Variants in GRID1 observed in about 807,000 individuals in gnomAD.
GRID1 encodes glutamate receptor ionotropic, delta-1.
Under a neutral mutation model 98.0 loss-of-function variants are expected in GRID1, and 28 were observed. The observed-to-expected ratio is 0.29, with a 90% confidence interval of 0.21 to 0.39. The LOEUF is 0.39. Among genes scored for constraint, GRID1 ranks in the 10% least tolerant of loss-of-function variants. The pLI is 1.00. For missense variants in GRID1, 1,111 were observed against 1,340.5 expected (o/e 0.83, Z 2.67); for synonymous variants, 553 against 538.5 (o/e 1.03, Z -0.37).
At chr10:86,086,600 G>C (rs1233076043) in intron 4 of GRID1, among the ~76,000 whole-genome samples, 3 of 152,188 alleles carry the variant, frequency 2.0e-5, no homozygotes, top group African/African-American at 7.2e-5. Context: ...AAACAATTGA[G>C]TGTGCCTGTG....
chr10:85,851,975 C>T (rs573449487), intron 8 of GRID1, among the ~76,000 whole-genome samples: 5 of 152,208 alleles, frequency 3.3e-5, no homozygotes, highest in East Asian at 3.9e-4. Context: ...GTCTCCCACC[C>T]GAAACTACCA....
chr10:86,272,775 A>G (rs893987206), intron 2 of GRID1, among the ~76,000 whole-genome samples: 1 of 152,214 alleles, frequency 6.6e-6, no homozygotes, highest in African/African-American at 2.4e-5. Flanking sequence ...TACACTCAAA[A>G]GTACCTATTT....
chr10:85,739,343 G>A (rs1841917986), intron 8 of GRID1, among the ~76,000 whole-genome samples: 1 of 152,038 alleles, frequency 6.6e-6, no homozygotes, highest in South Asian at 2.1e-4. Flanking sequence ...AACTTGTGAG[G>A]CTAAGGCAAG....
At chr10:85,902,199 C>A (rs1286519879) in intron 5 of GRID1, among the ~76,000 whole-genome samples, 1 of 152,128 alleles carries the variant, frequency 6.6e-6, no homozygotes, top group Non-Finnish European at 1.5e-5. Context: ...GTACCAAACC[C>A]TATATATACT....
At chr10:86,350,142 G>A (rs897025084) in intron 2 of GRID1, among the ~76,000 whole-genome samples, 4 of 152,162 alleles carry the variant, frequency 2.6e-5, no homozygotes, top group Admixed American at 2.0e-4. Context: ...GGAGAGATGG[G>A]GAAAAGGCCA....
intron 4 of GRID1, among the ~76,000 whole-genome samples, chr10:85,937,646 T>C (rs1019580193): frequency 5.9e-5 from 9 of 152,212 alleles, no homozygotes; most frequent in Non-Finnish European, 1.2e-4. Context: ...GTAACCCCAA[T>C]GCCTAACCCC....
intron 12 of GRID1, among the ~76,000 whole-genome samples, chr10:85,713,306 G>T (rs138859871): frequency 6.6e-6 from 1 of 151,894 alleles, no homozygotes; most frequent in East Asian, 1.9e-4. Flanking sequence ...TAATTTCGAA[G>T]AAATGGATAA....
intron 2 of GRID1, among the ~76,000 whole-genome samples, chr10:86,230,245 A>G (rs12356011): frequency 0.28 from 42,403 of 150,944 alleles, 6,672 homozygotes; most frequent in Non-Finnish European, 0.37. Context: ...ACCCTACCCC[A>G]ACCCAGACTG....
chr10:85,822,126 G>A (rs1842778436), intron 8 of GRID1, among the ~76,000 whole-genome samples: 2 of 152,012 alleles, frequency 1.3e-5, no homozygotes, highest in Non-Finnish European at 2.9e-5. Flanking sequence ...CATAGGCATG[G>A]GCAAGGACTT....
intron 4 of GRID1, among the ~76,000 whole-genome samples, chr10:85,976,554 T>C (rs374806378): frequency 4.6e-5 from 7 of 152,332 alleles, no homozygotes; most frequent in African/African-American, 1.7e-4. Context: ...TGCTTCCTTG[T>C]CTTAGAAAAC....
At chr10:86,238,274 T>C (rs1846572446) in intron 2 of GRID1, among the ~76,000 whole-genome samples, 1 of 152,124 alleles carries the variant, frequency 6.6e-6, no homozygotes, top group African/African-American at 2.4e-5. Flanking sequence ...GAGGGAAGAA[T>C]GGTTTTATAG....
intron 2 of GRID1, among the ~76,000 whole-genome samples, chr10:86,222,643 T>C (rs1276214962): frequency 6.6e-6 from 1 of 152,100 alleles, no homozygotes; most frequent in Non-Finnish European, 1.5e-5. Flanking sequence ...AGTGGAGCTG[T>C]AGGAGCCCCT....
At chr10:86,259,201 C>T (rs1393578072) in intron 2 of GRID1, among the ~76,000 whole-genome samples, 1 of 152,242 alleles carries the variant, frequency 6.6e-6, no homozygotes, top group Non-Finnish European at 1.5e-5. Context: ...ACGACCCAGC[C>T]CCCTGCCCTA....
In GRID1 at chr10:86,192,226, G is replaced by A. The variant is rs1263085421; in HGVS notation, c.520+14138C>T. Among the ~76,000 whole-genome samples the A allele has an allele frequency of 2.6e-5, 4 of 152,146 alleles. No homozygotes were observed. Among genetic ancestry groups the A allele is most frequent in the South Asian group, 4.2e-4 (2 of 4,804 alleles). On this transcript the variant is annotated intron_variant, in intron 3 of 15. Coordinates refer to ENST00000327946, the MANE Select transcript of GRID1 (RefSeq NM_017551.3). The surrounding 1 kb of genome is among the most constrained non-coding windows in gnomAD (Gnocchi z 4.8). ...CACACACATGGAGGCTCCAAGAGAC[G>A]ACATTCCTCTCCCAACACCCTCAGA...
intron 4 of GRID1, among the ~76,000 whole-genome samples, chr10:86,081,807 G>A (rs1223645314): frequency 6.6e-6 from 1 of 152,306 alleles, no homozygotes; most frequent in African/African-American, 2.4e-5. Context: ...TGACATTCTA[G>A]AAAAGGCAAA....
At chr10:86,196,606 G>A (rs116462552) in intron 3 of GRID1, among the ~76,000 whole-genome samples, 2,256 of 152,216 alleles carry the variant, frequency 0.015, 62 homozygotes, top group African/African-American at 0.052. Flanking sequence ...GACCTCAGCA[G>A]CACCATTGCC....
intron 12 of GRID1, among the ~76,000 whole-genome samples, chr10:85,697,306 G>A (rs1447175518): frequency 1.6e-5 from 2 of 128,988 alleles, no homozygotes; most frequent in Admixed American, 1.6e-4. Context: ...TCCATTTTGT[G>A]CATAAATATT....
rs904825164 is a variant in GRID1, at chr10:86,195,467, C to T, written c.520+10897G>A. 2.6e-5 allele frequency among the ~76,000 whole-genome samples: 4 copies of T among 152,098 alleles called. No individual in the cohort carries two copies. Among genetic ancestry groups the T allele is most frequent in the African/African-American group, 9.7e-5 (4 of 41,436 alleles). The stretch of plus-strand genomic sequence containing the variant: ...TTGCTTTCTTAACCTCAGTGTCTCT[C>T]TAAGAAGACATTAGAAGCCTCTGCA... On this transcript the variant is annotated intron_variant, in intron 3 of 15. Coordinates refer to ENST00000327946, the MANE Select transcript of GRID1 (RefSeq NM_017551.3). This position sits in a 1 kb window ranked among gnomAD's most constrained non-coding sequence, Gnocchi z 4.4.
chr10:86,204,152 C>G (rs1395508926), intron 3 of GRID1, among the ~76,000 whole-genome samples: 1 of 152,138 alleles, frequency 6.6e-6, no homozygotes, highest in Non-Finnish European at 1.5e-5. Flanking sequence ...AACCTGTTTC[C>G]TAGCCTACAC....
Sources: gnomAD v4.1 joint callset for allele counts (sites outside exome capture counted in the v4.1 genomes callset) on GRCh38, gnomAD v4.1.1 for gene constraint, Gnocchi (gnomAD v3.1) non-coding constraint, MANE v1.5 for transcripts, NCBI Gene and HGNC (gene_info 2026-07-23, HGNC 2026-07-21) for gene names.